Variants in KREMEN1 observed in about 807,000 individuals in gnomAD.
KREMEN1 encodes the protein kringle containing transmembrane protein 1, also known as kremen protein 1.
In KREMEN1, 30 loss-of-function variants were observed where a neutral mutation model predicts 46.5. The observed-to-expected ratio is 0.65, with a 90% CI of 0.48 to 0.88. The LOEUF (loss-of-function observed/expected upper bound fraction) is 0.88, where lower values mean the gene tolerates loss of function less well. Among genes scored for constraint, KREMEN1 ranks in the 40% least tolerant of loss-of-function variants. The probability of loss-of-function intolerance (pLI) is 0.00; values close to 1 mark genes in which losing one functional copy is unlikely to be tolerated. For missense variants in KREMEN1, 533 were observed against 596.9 expected (o/e 0.89, Z 1.11); for synonymous variants, 214 against 230.6 (o/e 0.93, Z 0.65).
At chr22:29,119,049 A>G (rs1480842646) in intron 3 of KREMEN1, among the ~76,000 whole-genome samples, 1 of 152,130 alleles carries the variant, frequency 6.6e-6, no homozygotes, top group Non-Finnish European at 1.5e-5. Context: ...CCAGTTTATT[A>G]TAAAGGATAT....
At chr22:29,105,478 T>TACACACTCACACAC (rs1556005966) in intron 3 of KREMEN1, among the ~76,000 whole-genome samples, 8 of 146,892 alleles carry the variant, frequency 5.4e-5, no homozygotes, top group Non-Finnish European at 1.2e-4. Context: ...CACACACACA[T>TACACACTCACACAC]ACACACACAC....
chr22:29,142,808 C>T lies in KREMEN1; in HGVS notation c.*696C>T, dbSNP rs2038786461. 1 of 985,348 alleles carries T rather than the reference C, an allele frequency of 1.0e-6. No homozygotes were observed. The highest frequency in any genetic ancestry group is 4.7e-5 in the South Asian group (1 of 21,294). 61.0% of individuals were successfully genotyped at this position (985,348 alleles called of 1,614,324 possible). A position where few individuals can be genotyped will look rare whatever the true frequency, so the allele number is the denominator to read the frequency against. ...GGGCTTCTTTCTAGATTCTTCTTTC[C>T]ATAGCTCATGGAGCTGCAGGGAAAG... On this transcript the variant is annotated 3_prime_UTR_variant, in exon 9 of 9. Coordinates refer to ENST00000400335, the MANE Select transcript of KREMEN1 (RefSeq NM_001039570.3).
At chr22:29,147,381 G>T (rs752222048), downstream of KREMEN1, among the ~76,000 whole-genome samples, 1 of 152,160 alleles carries the variant, frequency 6.6e-6, no homozygotes, top group African/African-American at 2.4e-5. Flanking sequence ...CCCACTCTGC[G>T]CCAGGCACTC....
At chr22:29,103,915 C>T (rs1208685769) in intron 3 of KREMEN1, among the ~76,000 whole-genome samples, 1 of 151,856 alleles carries the variant, frequency 6.6e-6, no homozygotes, top group East Asian at 1.9e-4. Flanking sequence ...ATCCAGCCCC[C>T]CAAACAGTGA....
rs2038144647 is a variant in KREMEN1, at chr22:29,111,364, G to A, written c.353-9993G>A. Among the ~76,000 whole-genome samples, 3 of 151,184 alleles carry A rather than the reference G, an allele frequency of 2.0e-5. No individual in the cohort carries two copies. The South Asian group carries it at 6.3e-4, about 32-fold the overall frequency. ...GCGGTGGCTCACGCCTGTAATCCCAGCACTTTGGGAGGCCGAGGCGGGCGG... is the reference window on the plus strand; with the variant it reads ...GCGGTGGCTCACGCCTGTAATCCCAACACTTTGGGAGGCCGAGGCGGGCGG... On this transcript the variant is annotated intron_variant, in intron 3 of 8. Transcript: ENST00000400335.
chr22:29,117,355 C>G (rs1272704498), intron 3 of KREMEN1, among the ~76,000 whole-genome samples: 2 of 152,132 alleles, frequency 1.3e-5, no homozygotes, highest in African/African-American at 4.8e-5. Flanking sequence ...ATCGCAAGGT[C>G]AGGAGATCGA....
rs1253471731 is a variant in KREMEN1, at chr22:29,076,711, G to T, written c.97+3484G>T. Reference sequence around the variant, plus strand: ...ACTAAAAATACAAAAAATTAGCCGGGCATGGTGGCACGTGCCTGTAATCCC... The same window carrying T: ...ACTAAAAATACAAAAAATTAGCCGGTCATGGTGGCACGTGCCTGTAATCCC... On this transcript the variant is annotated intron_variant, in intron 1 of 8. Coordinates refer to ENST00000400335, the MANE Select transcript of KREMEN1 (RefSeq NM_001039570.3). Among the ~76,000 whole-genome samples the T allele has an allele frequency of 2.0e-5, 3 of 152,244 alleles. No individual in the cohort carries two copies. The East Asian group carries it at 5.8e-4, about 29-fold the overall frequency.
At chr22:29,075,463 G>T (rs1443819674) in intron 1 of KREMEN1, among the ~76,000 whole-genome samples, 1 of 152,236 alleles carries the variant, frequency 6.6e-6, no homozygotes, top group South Asian at 2.1e-4. Flanking sequence ...CTTTTATTTA[G>T]GAGTCTGGGG....
In KREMEN1 at chr22:29,125,366, G is replaced by C. The variant is rs748018758; in HGVS notation, c.581G>C (p.Gly194Ala). 1 of 1,614,168 alleles carries C rather than the reference G, an allele frequency of 6.2e-7. No individual in the cohort carries two copies. The highest frequency in any genetic ancestry group is 8.5e-7 in the Non-Finnish European group (1 of 1,180,034). ...ACCGAATGCAACAGCGTCTGCTTCG[G>C]GGATCACACCCAACCCTGTGGTGGC... Reference protein sequence around the residue: ...ASTECNSVCFGDHTQPCGGDG... With the variant: ...ASTECNSVCFADHTQPCGGDG... The change falls in exon 5 of 9, where the codon GGG becomes GCG. Residue 194 changes from glycine to alanine, a missense_variant. Physicochemically the swap from Gly to Ala is moderately conservative, Grantham distance 60 (BLOSUM62 0). Transcript: ENST00000400335.
intron 1 of KREMEN1, among the ~76,000 whole-genome samples, chr22:29,078,073 GAGACCCTGTCTCTGTA>G (rs1409185512): frequency 6.6e-6 from 1 of 152,078 alleles, no homozygotes; most frequent in Non-Finnish European, 1.5e-5. Context: ...GCAACATAGT[GAGACCCTGTCTCTGTA>G]AAACCCTGTC....
rs750379448 is a variant in KREMEN1 at position 29,094,374 on chromosome 22, A to T, written c.214A>T (p.Lys72Ter). The T allele has an allele frequency of 6.2e-7, 1 of 1,614,036 alleles. No homozygotes were observed. Among genetic ancestry groups the T allele is most frequent in the Non-Finnish European group, 8.5e-7 (1 of 1,179,980 alleles). ...TTTCCAGCATCCATACAACACTCTGAAATACCCCAACGGGGAGGGGGGCCT... is the reference window on the plus strand; with the variant it reads ...TTTCCAGCATCCATACAACACTCTGTAATACCCCAACGGGGAGGGGGGCCT... ...ETFQHPYNTL[K>*]YPNGEGGLGE... Residue 72 changes from lysine (K) to a stop codon, truncating the protein, a stop_gained, in exon 2 of 9, where the codon AAA becomes TAA. Coordinates refer to ENST00000400335, the MANE Select transcript of KREMEN1 (RefSeq NM_001039570.3). LOFTEE classifies it high-confidence loss of function.
At chr22:29,104,362 C>T in intron 3 of KREMEN1, among the ~76,000 whole-genome samples, 1 of 151,894 alleles carries the variant, frequency 6.6e-6, no homozygotes, top group East Asian at 1.9e-4. Context: ...TTGCCATGTT[C>T]CCCTAGCCGG....
chr22:29,139,910 T>C (rs2038734394), intron 7 of KREMEN1, among the ~76,000 whole-genome samples: 1 of 152,198 alleles, frequency 6.6e-6, no homozygotes, highest in Non-Finnish European at 1.5e-5. Flanking sequence ...ATAGGTCACA[T>C]ATCTCATTCC....
At chr22:29,160,097 A>T (rs2038997310) in intron 9 of KREMEN1, among the ~76,000 whole-genome samples, 1 of 152,178 alleles carries the variant, frequency 6.6e-6, no homozygotes, top group South Asian at 2.1e-4. Context: ...CACAGAATAT[A>T]CATTCTTCTC....
chr22:29,088,329 A>G (rs1268740198), intron 1 of KREMEN1, among the ~76,000 whole-genome samples: 5 of 147,804 alleles, frequency 3.4e-5, no homozygotes, highest in Non-Finnish European at 7.5e-5. Flanking sequence ...ACACACACAC[A>G]CGCACACACA....
rs558697680 is a variant in KREMEN1 at position 29,123,523 on chromosome 22, G to C, written c.478-1740G>C. On this transcript the variant is annotated intron_variant, in intron 4 of 8. Transcript: ENST00000400335. Reference sequence around the variant, plus strand: ...GAAAAGATAGTCATCTGGGCGTGGTGGCTCAAGCCTGTAATCCCAGCACTT... The same window carrying C: ...GAAAAGATAGTCATCTGGGCGTGGTCGCTCAAGCCTGTAATCCCAGCACTT... Among the ~76,000 whole-genome samples the C allele has an allele frequency of 2.0e-5, 3 of 152,278 alleles. No homozygotes were observed. The East Asian group carries it at 5.8e-4, about 29-fold the overall frequency.
chr22:29,080,330 A>G (rs145107696), intron 1 of KREMEN1, among the ~76,000 whole-genome samples: 29 of 152,366 alleles, frequency 1.9e-4, no homozygotes, highest in Non-Finnish European at 4.1e-4. Context: ...CACCTCGTCT[A>G]TACAGGCCTT....
At chr22:29,149,131 GC>G (rs923305059), downstream of KREMEN1, among the ~76,000 whole-genome samples, 1 of 150,604 alleles carries the variant, frequency 6.6e-6, no homozygotes, top group Non-Finnish European at 1.5e-5. Flanking sequence ...CCTGCAGCCA[GC>G]CCCCATGCTG....
At chr22:29,147,148 G>A (rs713525), downstream of KREMEN1, among the ~76,000 whole-genome samples, 1,303 of 152,270 alleles carry the variant, frequency 8.6e-3, 17 homozygotes, top group African/African-American at 0.029. Flanking sequence ...CGACTACTCA[G>A]CCTCAGCTTC....
Sources: allele counts gnomAD v4.1 joint callset (sites outside exome capture counted in the v4.1 genomes callset), GRCh38; gene constraint gnomAD v4.1.1; transcripts MANE v1.5; gene names NCBI Gene and HGNC (gene_info 2026-07-23, HGNC 2026-07-21).